Variants in CHTF8 observed in about 807,000 individuals in gnomAD.
CHTF8 encodes the protein chromosome transmission fidelity factor 8.
In CHTF8, 6 loss-of-function variants were observed where a neutral mutation model predicts 11.0. The ratio of observed to expected loss-of-function variants is 0.55; its 90% CI spans 0.30 to 1.08. The LOEUF is 1.08. Ranked by LOEUF, CHTF8 falls within the 50% of genes least tolerant of loss-of-function variation. CHTF8 has a pLI of 0.07. For missense variants in CHTF8, 140 were observed against 153.1 expected, an observed-to-expected ratio of 0.91 and a Z score of 0.45; for synonymous variants, 53 against 60.5, an observed-to-expected ratio of 0.88 and a Z score of 0.57.
chr16:69,123,632 A>T (rs1961841994), intron 1 of CHTF8, among the ~76,000 whole-genome samples: 1 of 152,148 alleles, frequency 6.6e-6, no homozygotes, highest in South Asian at 2.1e-4. Context: ...TGGGCGACAG[A>T]GTGAGACTGT....
chr16:69,125,913 G>A (rs1962027528), intron 1 of CHTF8, among the ~76,000 whole-genome samples: 1 of 152,146 alleles, frequency 6.6e-6, no homozygotes, highest in Admixed American at 6.5e-5. Context: ...AACATCTGCT[G>A]AGGTGCTTTA....
intron 2 of CHTF8, 26 bp from the exon 3 acceptor site, chr16:69,121,196 A>G (rs1567589266): frequency 6.3e-7 from 1 of 1,599,708 alleles, no homozygotes; most frequent in Non-Finnish European, 8.6e-7. Flanking sequence ...TGGCGGTTAC[A>G]ATATTTTTGA....
At chr16:69,128,983 G>A (rs904327823) in intron 1 of CHTF8, among the ~76,000 whole-genome samples, 24 of 152,196 alleles carry the variant, frequency 1.6e-4, no homozygotes, top group Admixed American at 1.4e-3. Context: ...AAAATCGCTT[G>A]ATCCTGGGAG....
Position 69,120,085 on chromosome 16 carries a change from G to T in CHTF8, c.*340C>A. On this transcript the variant is annotated 3_prime_UTR_variant, in exon 4 of 4. Transcript: ENST00000448552. The surrounding 1 kb of genome is among the most constrained non-coding windows in gnomAD (Gnocchi z 4.0). ...TGGGCCTGGCCCCAAGAGGCCACCA[G>T]GCCTTGGGAAAGAAACTGCACCTGT... The T allele has an allele frequency of 1.4e-6, 1 of 696,616 alleles. No individual in the cohort carries two copies. The highest frequency in any genetic ancestry group is 1.5e-5 in the South Asian group (1 of 67,232). The allele number at this position is 696,616 out of a possible 1,614,324, so 43.2% of individuals were successfully genotyped here. A position where few individuals can be genotyped will look rare whatever the true frequency, so the allele number is the denominator to read the frequency against.
Position 69,121,507 on chromosome 16 carries a change from A to G in CHTF8, c.-35-14T>C. 6.5e-7 allele frequency: 1 copy of G among 1,528,748 alleles called. No homozygotes were observed. Among genetic ancestry groups the G allele is most frequent in the Non-Finnish European group, 8.9e-7 (1 of 1,120,498 alleles). 94.7% of individuals were successfully genotyped at this position (1,528,748 alleles called of 1,614,324 possible). Reference sequence around the variant, plus strand: ...AGTGAAAACAAGCTGTAGAGAGAAAAAAAGAGATTTAGGGTAATAACAACA... The same window carrying G: ...AGTGAAAACAAGCTGTAGAGAGAAAGAAAGAGATTTAGGGTAATAACAACA... On this transcript the variant is annotated splice_polypyrimidine_tract_variant and intron_variant, in intron 1 of 3. Coordinates refer to ENST00000448552, the MANE Select transcript of CHTF8 (RefSeq NM_001039690.5).
intron 1 of CHTF8, among the ~76,000 whole-genome samples, chr16:69,126,974 C>T (rs143071318): frequency 0.023 from 3,508 of 152,134 alleles, 138 homozygotes; most frequent in African/African-American, 0.079. Flanking sequence ...AGGCCGGGCG[C>T]GGTGGCTCAT....
At chr16:69,128,034 C>G (rs1257272214) in intron 1 of CHTF8, among the ~76,000 whole-genome samples, 2 of 152,176 alleles carry the variant, frequency 1.3e-5, no homozygotes, top group Non-Finnish European at 2.9e-5. Context: ...CCTGCCTCAG[C>G]CTCCCGAGTA....
At chr16:69,124,110 GAAAA>G (rs548522836) in intron 1 of CHTF8, among the ~76,000 whole-genome samples, 1 of 138,286 alleles carries the variant, frequency 7.2e-6, no homozygotes, top group Non-Finnish European at 1.6e-5. Flanking sequence ...TCTCAAAGGG[GAAAA>G]AAAAAAAAAG....
Position 69,119,430 on chromosome 16 carries a change from G to A in CHTF8, c.*995C>T, listed in dbSNP as rs1486585914. The A allele has an allele frequency of 7.1e-6, 5 of 702,832 alleles. No homozygotes were observed. In the East Asian group the frequency reaches 8.0e-5, roughly 11 times the overall value. The allele number at this position is 702,832 out of a possible 1,614,324, so 43.5% of individuals were successfully genotyped here. ...CTATGGGGCCAGGAGCCCTTGACATGGGAGATGGATTTGGCCCTGGAAGGC... is the reference window on the plus strand; with the variant it reads ...CTATGGGGCCAGGAGCCCTTGACATAGGAGATGGATTTGGCCCTGGAAGGC... On this transcript the variant is annotated 3_prime_UTR_variant, in exon 4 of 4. Coordinates refer to ENST00000448552, the MANE Select transcript of CHTF8 (RefSeq NM_001039690.5).
chr16:69,130,498 A>AG (rs1962419440), intron 1 of CHTF8, among the ~76,000 whole-genome samples: 1 of 152,202 alleles, frequency 6.6e-6, no homozygotes, highest in African/African-American at 2.4e-5. Context: ...TTGTTTACGA[A>AG]TATAGTGAAG....
At position 69,120,979 on chromosome 16, in the gene CHTF8, T is replaced by C. The variant is rs1961609330; in HGVS notation, c.141+74A>G. On this transcript the variant is annotated intron_variant, in intron 3 of 3. Transcript: ENST00000448552. This position sits in a 1 kb window ranked among gnomAD's most constrained non-coding sequence, Gnocchi z 4.0. ...AACAAACCTGAGGCAGTCCTCACTC[T>C]GGGTCCTGGGAGCACCACCTTGGTG... 7.9e-7 allele frequency: 1 copy of C among 1,263,986 alleles called. No individual in the cohort carries two copies. Among genetic ancestry groups the C allele is most frequent in the African/African-American group, 1.5e-5 (1 of 68,184 alleles). The allele number at this position is 1,263,986 out of a possible 1,614,324, so 78.3% of individuals were successfully genotyped here.
chr16:69,129,095 A>C (rs916029606), intron 1 of CHTF8, among the ~76,000 whole-genome samples: 1 of 151,666 alleles, frequency 6.6e-6, no homozygotes, highest in African/African-American at 2.4e-5. Flanking sequence ...AAAACAAAAA[A>C]AAAACTGGCA....
intron 1 of CHTF8, among the ~76,000 whole-genome samples, chr16:69,129,773 A>G (rs1296618472): frequency 6.6e-6 from 1 of 152,202 alleles, no homozygotes; most frequent in Non-Finnish European, 1.5e-5. Context: ...CTTTACAAAT[A>G]TTAGCCTCGT....
intron 1 of CHTF8, among the ~76,000 whole-genome samples, chr16:69,124,334 T>G (rs1231501288): frequency 6.6e-6 from 1 of 152,198 alleles, no homozygotes; most frequent in Non-Finnish European, 1.5e-5. Context: ...AGGTTATTAG[T>G]TCAATGTTTA....
At chr16:69,129,240 A>G (rs7197515) in intron 1 of CHTF8, among the ~76,000 whole-genome samples, 1 of 151,578 alleles carries the variant, frequency 6.6e-6, no homozygotes, top group Non-Finnish European at 1.5e-5. Flanking sequence ...ATCATCCTGG[A>G]TAACACAGTG....
Position 69,120,562 on chromosome 16 carries a change from T to C in CHTF8, c.229A>G (p.Thr77Ala), listed in dbSNP as rs1465393503. ...EKPFAVLVKH[T>A]PGDQDCDELG... ...TCATCACAGTCCTGATCCCCAGGAG[T>C]GTGTTTGACAAGGACTGCAAAAGGT... Residue 77 changes from threonine to alanine, a missense_variant, in exon 4 of 4, where the codon ACT becomes GCT. Coordinates refer to ENST00000448552, the MANE Select transcript of CHTF8 (RefSeq NM_001039690.5). The surrounding 1 kb of genome is among the most constrained non-coding windows in gnomAD (Gnocchi z 4.0). The C allele has an allele frequency of 2.4e-5, 38 of 1,613,636 alleles. No individual in the cohort carries two copies. Among genetic ancestry groups the C allele is most frequent in the Non-Finnish European group, 3.1e-5 (37 of 1,179,916 alleles).
rs568703921 is a variant in CHTF8 at position 69,131,883 on chromosome 16, A to C, written c.-36+601T>G. 2.7e-5 allele frequency among the ~76,000 whole-genome samples: 4 copies of C among 148,576 alleles called. No individual in the cohort carries two copies. In the South Asian group the frequency reaches 8.6e-4, roughly 32 times the overall value. ...AAGAACCTGGAATGACTCTCCAACC[A>C]CCCTTCCAATTACCTCTCCCAGAAG... is the stretch of plus-strand genomic sequence containing the variant. On this transcript the variant is annotated intron_variant, in intron 1 of 3. Transcript: ENST00000448552.
intron 1 of CHTF8, among the ~76,000 whole-genome samples, chr16:69,122,335 C>T (rs982074663): frequency 6.6e-6 from 1 of 151,736 alleles, no homozygotes; most frequent in Non-Finnish European, 1.5e-5. Context: ...CTCTTGCTCA[C>T]TATGCTGATG....
intron 1 of CHTF8, among the ~76,000 whole-genome samples, chr16:69,126,959 G>A (rs1246063266): frequency 3.3e-5 from 5 of 152,210 alleles, no homozygotes; most frequent in African/African-American, 7.2e-5. Flanking sequence ...ATTAAAAAGT[G>A]TATGAGGCCG....
Sources: gnomAD v4.1 joint callset for allele counts (sites outside exome capture counted in the v4.1 genomes callset) on GRCh38, gnomAD v4.1.1 for gene constraint, Gnocchi (gnomAD v3.1) non-coding constraint, MANE v1.5 for transcripts, NCBI Gene and HGNC (gene_info 2026-07-23, HGNC 2026-07-21) for gene names.